PRDM1: variants seen among roughly 807,000 people sequenced by gnomAD.
The protein encoded by PRDM1 is PR domain zinc finger protein 1.
In PRDM1, 13 loss-of-function variants were observed where a neutral mutation model predicts 62.8. The observed-to-expected ratio is 0.21, with a 90% CI of 0.13 to 0.33. The LOEUF is 0.33. PRDM1 is among the 10% of genes least tolerant of loss of function. The pLI is 1.00. For synonymous variants in PRDM1, 396 were observed against 417.6 expected (o/e 0.95, Z 0.63); for missense variants, 895 against 1,058.8 (o/e 0.85, Z 2.15).
At chr6:106,048,052 C>G (rs561656053), upstream of PRDM1, among the ~76,000 whole-genome samples, 1 of 152,178 alleles carries the variant, frequency 6.6e-6, no homozygotes, top group African/African-American at 2.4e-5. Flanking sequence ...GTATGAATGA[C>G]TAGAAATGGG....
At chr6:106,028,239 C>A (rs1016181072) in intron 1 of PRDM1, among the ~76,000 whole-genome samples, 7 of 152,148 alleles carry the variant, frequency 4.6e-5, no homozygotes, top group Admixed American at 2.0e-4. Context: ...CAGTGTCTTT[C>A]GGTCCAATCG....
At chr6:106,044,107 T>G (rs747247014), upstream of PRDM1, among the ~76,000 whole-genome samples, 68 of 152,318 alleles carry the variant, frequency 4.5e-4, no homozygotes, top group Admixed American at 1.3e-3. Flanking sequence ...CTACTGGCTT[T>G]ACAATTCTCA....
intron 1 of PRDM1, among the ~76,000 whole-genome samples, chr6:106,053,342 C>T (rs965520919): frequency 6.6e-6 from 1 of 152,084 alleles, no homozygotes; most frequent in Non-Finnish European, 1.5e-5. Context: ...AATTGTAACC[C>T]AGTTGGAAAT....
intron 1 of PRDM1, among the ~76,000 whole-genome samples, chr6:106,057,248 T>G (rs2114589521): frequency 6.6e-6 from 1 of 152,344 alleles, no homozygotes; most frequent in Middle Eastern, 3.4e-3. Flanking sequence ...TGTATTTACT[T>G]TATAGTCATC....
chr6:106,099,792 G>A lies in PRDM1; in HGVS notation c.664+240G>A. 5.7e-6 allele frequency: 3 copies of A among 524,110 alleles called. No individual in the cohort carries two copies. The South Asian group carries it at 7.2e-5, about 13-fold the overall frequency. 32.5% of individuals were successfully genotyped at this position (524,110 alleles called of 1,614,324 possible). On this transcript the variant is annotated intron_variant, in intron 4 of 6. Coordinates refer to ENST00000369096, the MANE Select transcript of PRDM1 (RefSeq NM_001198.4). ...CTACCTTGAGTTTTGAATTCAGGAT[G>A]TTACAGGAAGAAATATATGTCCAAT...
chr6:106,080,704 A>G (rs909435968), intron 1 of PRDM1, among the ~76,000 whole-genome samples: 1 of 152,198 alleles, frequency 6.6e-6, no homozygotes, highest in African/African-American at 2.4e-5. Context: ...GGCAGTACAC[A>G]TCCTAATACT....
At chr6:106,009,425 T>A (rs1016549807) in intron 1 of PRDM1, among the ~76,000 whole-genome samples, 1 of 152,184 alleles carries the variant, frequency 6.6e-6, no homozygotes, top group African/African-American at 2.4e-5. Context: ...CTTGGGTTAG[T>A]AGTTAGCATT....
At chr6:106,089,170 G>T (rs893424891) in intron 2 of PRDM1, among the ~76,000 whole-genome samples, 1 of 152,188 alleles carries the variant, frequency 6.6e-6, no homozygotes, top group African/African-American at 2.4e-5. Flanking sequence ...TTAATATAAA[G>T]ATTATAGCTA....
At chr6:106,011,909 T>C (rs1772554199) in intron 1 of PRDM1, among the ~76,000 whole-genome samples, 1 of 144,032 alleles carries the variant, frequency 6.9e-6, no homozygotes, top group African/African-American at 2.6e-5. Flanking sequence ...TCACACACTA[T>C]ACACACATAC....
upstream of PRDM1, among the ~76,000 whole-genome samples, chr6:106,047,677 G>A (rs896458135): frequency 1.4e-4 from 21 of 152,182 alleles, no homozygotes; most frequent in South Asian, 4.1e-4. Flanking sequence ...AAAGGAATAA[G>A]AATTACAAGG....
chr6:106,062,891 A>C (rs1012945040), intron 1 of PRDM1, among the ~76,000 whole-genome samples: 4 of 152,084 alleles, frequency 2.6e-5, no homozygotes, highest in African/African-American at 9.7e-5. Flanking sequence ...GAGTCAAAGG[A>C]AATGGCAGTC....
chr6:105,999,019 C>G (rs1173123498), intron 1 of PRDM1, among the ~76,000 whole-genome samples: 1 of 150,300 alleles, frequency 6.7e-6, no homozygotes, highest in African/African-American at 2.4e-5. Context: ...TTTATTGCAG[C>G]CTCAACCTCC....
At chr6:106,005,097 C>T (rs953744409) in intron 1 of PRDM1, among the ~76,000 whole-genome samples, 2 of 152,218 alleles carry the variant, frequency 1.3e-5, no homozygotes, top group African/African-American at 4.8e-5. Flanking sequence ...AAGAATGACA[C>T]ATTCAAGAAG....
rs1774605709 is a variant in PRDM1, at chr6:106,109,091, C to CG, written c.*1605_*1606insG. ...GTAAAAGATCTACTTTTTCTAAGGGCAAAAAAAAAAAAAAAAAAAAAAGAA... is the reference window on the plus strand; with the variant it reads ...GTAAAAGATCTACTTTTTCTAAGGGCGAAAAAAAAAAAAAAAAAAAAAAGAA... On this transcript the variant is annotated 3_prime_UTR_variant, in exon 7 of 7. Transcript: ENST00000369096. 1 of 117,372 alleles carries CG rather than the reference C, an allele frequency of 8.5e-6. No homozygotes were observed. The highest frequency in any genetic ancestry group is 1.6e-5 in the Non-Finnish European group (1 of 62,470). 7.3% of individuals were successfully genotyped at this position (117,372 alleles called of 1,614,324 possible).
At chr6:106,037,932 G>T (rs1424768740) in intron 1 of PRDM1, among the ~76,000 whole-genome samples, 1 of 150,056 alleles carries the variant, frequency 6.7e-6, no homozygotes. Context: ...TGTGATTGTT[G>T]CTGGAAGTTG....
chr6:106,099,128 C>T, intron 3 of PRDM1, 172 bp from the exon 4 acceptor site: 1 of 1,611,802 alleles, frequency 6.2e-7, no homozygotes, highest in Middle Eastern at 1.7e-4. Flanking sequence ...CCTGTTTCCG[C>T]CCTGATTTCT....
chr6:106,033,411 C>A (rs1772877754), intron 1 of PRDM1, among the ~76,000 whole-genome samples: 1 of 151,880 alleles, frequency 6.6e-6, no homozygotes, highest in South Asian at 2.1e-4. Context: ...CCTTGACATC[C>A]CAAATGCGTT....
At chr6:106,087,429 TTTG>T in intron 1 of PRDM1, among the ~76,000 whole-genome samples, 1 of 152,330 alleles carries the variant, frequency 6.6e-6, no homozygotes, top group Non-Finnish European at 1.5e-5. Flanking sequence ...GGTTTTATGT[TTTG>T]TTTTTGCCTT....
chr6:106,085,850 T>C (rs1225236848), upstream of PRDM1, among the ~76,000 whole-genome samples: 1 of 112,006 alleles, frequency 8.9e-6, no homozygotes. Context: ...GTTACAACTT[T>C]TGGGGCGGGG....
Sources: allele counts gnomAD v4.1 joint callset (sites outside exome capture counted in the v4.1 genomes callset), GRCh38; gene constraint gnomAD v4.1.1; transcripts MANE v1.5; gene names NCBI Gene and HGNC (gene_info 2026-07-23, HGNC 2026-07-21).